Variants in RAP1GDS1 observed in about 807,000 individuals in gnomAD.
RAP1GDS1 encodes the protein RAP1, GTP-GDP dissociation stimulator 1.
RAP1GDS1 carries 35 observed loss-of-function variants against 71.1 expected under a neutral mutation model. That is an observed-to-expected ratio of 0.49 (90% CI 0.38 to 0.65). The LOEUF (loss-of-function observed/expected upper bound fraction) is 0.65, where lower values mean the gene tolerates loss of function less well. Among genes scored for constraint, RAP1GDS1 ranks in the 30% least tolerant of loss-of-function variants. RAP1GDS1 has a pLI of 0.00. For synonymous variants in RAP1GDS1, 229 were observed against 243.1 expected (o/e 0.94, Z 0.54); for missense variants, 663 against 706.1 (o/e 0.94, Z 0.69).
intron 4 of RAP1GDS1, among the ~76,000 whole-genome samples, chr4:98,365,260 G>C (rs1235885633): frequency 6.6e-6 from 1 of 152,026 alleles, no homozygotes; most frequent in Non-Finnish European, 1.5e-5. Flanking sequence ...TGTTCTTCAA[G>C]TTTGCAGACA....
chr4:98,297,794 C>T (rs1346287855), intron 2 of RAP1GDS1, among the ~76,000 whole-genome samples: 1 of 152,110 alleles, frequency 6.6e-6, no homozygotes, highest in African/African-American at 2.4e-5. Context: ...AGAGTCACAT[C>T]TCTCTCACTT....
chr4:98,357,248 A>G (rs1738097875), intron 4 of RAP1GDS1, among the ~76,000 whole-genome samples: 1 of 151,950 alleles, frequency 6.6e-6, no homozygotes, highest in African/African-American at 2.4e-5. Flanking sequence ...TTAAAGTCTC[A>G]TGCAAGTCTT....
At chr4:98,385,196 C>CTGAT (rs748477982) in intron 5 of RAP1GDS1, among the ~76,000 whole-genome samples, 1 of 151,690 alleles carries the variant, frequency 6.6e-6, no homozygotes, top group East Asian at 1.9e-4. Flanking sequence ...TACATTTCAA[C>CTGAT]TGATAGAATT....
intron 2 of RAP1GDS1, among the ~76,000 whole-genome samples, chr4:98,316,477 A>G (rs1730959355): frequency 6.6e-6 from 1 of 152,106 alleles, no homozygotes; most frequent in Admixed American, 6.6e-5. Flanking sequence ...AGGGAGTGTG[A>G]GGCCAAGTTA....
At chr4:98,367,536 G>C (rs190589588) in intron 4 of RAP1GDS1, among the ~76,000 whole-genome samples, 2 of 152,294 alleles carry the variant, frequency 1.3e-5, no homozygotes, top group East Asian at 3.9e-4. Flanking sequence ...CTTGCACCAG[G>C]CACCTGGAAA....
chr4:98,375,036 G>A (rs1431856480), intron 4 of RAP1GDS1, among the ~76,000 whole-genome samples: 1 of 152,152 alleles, frequency 6.6e-6, no homozygotes, highest in African/African-American at 2.4e-5. Context: ...TAGGGCTGCT[G>A]TAACAAAGTA....
intron 5 of RAP1GDS1, among the ~76,000 whole-genome samples, chr4:98,389,175 A>T (rs1743228175): frequency 6.6e-6 from 1 of 152,190 alleles, no homozygotes; most frequent in Non-Finnish European, 1.5e-5. Context: ...ATTTTTATGA[A>T]AATAGCTTTG....
At chr4:98,419,142 A>G (rs1003761695) in intron 10 of RAP1GDS1, among the ~76,000 whole-genome samples, 3 of 152,070 alleles carry the variant, frequency 2.0e-5, no homozygotes, top group Non-Finnish European at 2.9e-5. Context: ...CACAGCCTCT[A>G]CCTTCTGAGC....
chr4:98,391,791 A>C (rs1007682713), intron 5 of RAP1GDS1, among the ~76,000 whole-genome samples, 161 bp from the exon 6 acceptor site: 1 of 152,204 alleles, frequency 6.6e-6, no homozygotes, highest in African/African-American at 2.4e-5. Flanking sequence ...AATGTTTAAA[A>C]TGTTCAACAC....
intron 2 of RAP1GDS1, among the ~76,000 whole-genome samples, chr4:98,308,118 C>T (rs1729608321): frequency 6.6e-6 from 1 of 151,316 alleles, no homozygotes; most frequent in Non-Finnish European, 1.5e-5. Flanking sequence ...TAAATAAAGA[C>T]AGCATCTCTA....
At chr4:98,419,866 C>T (rs962609676) in intron 10 of RAP1GDS1, among the ~76,000 whole-genome samples, 153 bp from the exon 11 acceptor site, 2 of 152,110 alleles carry the variant, frequency 1.3e-5, no homozygotes, top group African/African-American at 4.8e-5. Context: ...AACTGAATTC[C>T]ATTCTTAAAA....
intron 5 of RAP1GDS1, among the ~76,000 whole-genome samples, chr4:98,381,714 A>G (rs1742046998): frequency 1.3e-5 from 2 of 151,632 alleles, no homozygotes; most frequent in South Asian, 4.1e-4. Flanking sequence ...TTGAGTGACA[A>G]ATAGCTTTTT....
At chr4:98,318,987 G>C (rs532460266) in intron 2 of RAP1GDS1, among the ~76,000 whole-genome samples, 1 of 151,502 alleles carries the variant, frequency 6.6e-6, no homozygotes. Context: ...GTAGTTCTCT[G>C]GGGGGGGAAA....
intron 1 of RAP1GDS1, among the ~76,000 whole-genome samples, chr4:98,267,133 G>T (rs550763100): frequency 6.6e-6 from 1 of 152,158 alleles, no homozygotes; most frequent in Admixed American, 6.5e-5. Flanking sequence ...CCAGTATTTT[G>T]TTGAGGATTT....
At chr4:98,331,348 G>C (rs1227460746) in intron 2 of RAP1GDS1, among the ~76,000 whole-genome samples, 1 of 146,820 alleles carries the variant, frequency 6.8e-6, no homozygotes, top group African/African-American at 2.6e-5. Context: ...ACCACGGAGA[G>C]GGAGAGGGAG....
intron 2 of RAP1GDS1, among the ~76,000 whole-genome samples, chr4:98,339,054 T>C (rs1274105650): frequency 2.6e-5 from 4 of 152,234 alleles, no homozygotes; most frequent in Non-Finnish European, 5.9e-5. Context: ...TGACGATTTG[T>C]GTGAGTTGTG....
In RAP1GDS1 at chr4:98,283,670, A is replaced by G. The variant is rs572214723; in HGVS notation, c.5-9738A>G. Among the ~76,000 whole-genome samples the G allele has an allele frequency of 2.0e-5, 3 of 152,254 alleles. No individual in the cohort carries two copies. The South Asian group carries it at 6.2e-4, about 32-fold the overall frequency. On this transcript the variant is annotated intron_variant, in intron 1 of 14. Coordinates refer to ENST00000408927, the MANE Select transcript of RAP1GDS1 (RefSeq NM_001100427.2). ...TAATACAGCTTCTTGGACATATATA[A>G]GTGTTCATTACTTAAAATGATCTGG... is the stretch of plus-strand genomic sequence containing the variant.
intron 6 of RAP1GDS1, among the ~76,000 whole-genome samples, chr4:98,393,425 A>AATAAAAGTACATTCATTT (rs1395736575): frequency 2.0e-5 from 3 of 152,134 alleles, no homozygotes; most frequent in Non-Finnish European, 1.5e-5. Context: ...TGAGACCAAG[A>AATAAAAGTACATTCATTT]ATAAAAGTAC....
intron 1 of RAP1GDS1, among the ~76,000 whole-genome samples, chr4:98,281,231 G>T (rs1003319471): frequency 2.6e-5 from 4 of 152,030 alleles, no homozygotes; most frequent in African/African-American, 4.8e-5. Flanking sequence ...ATATTGATTT[G>T]TCCTATCCAT....
Sources: allele counts gnomAD v4.1 joint callset (sites outside exome capture counted in the v4.1 genomes callset), GRCh38; gene constraint gnomAD v4.1.1; transcripts MANE v1.5; gene names NCBI Gene and HGNC (gene_info 2026-07-23, HGNC 2026-07-21).